The following ANO2 variants were observed in gnomAD, a reference collection of about 807,000 sequenced individuals.
The protein encoded by ANO2 is anoctamin 2, also known as anoctamin-2.
A neutral mutation model predicts 124.2 loss-of-function variants in ANO2; 101 were observed. That is an observed-to-expected ratio of 0.81 (90% CI 0.69 to 0.96). The LOEUF is 0.96. Ranked by LOEUF, ANO2 falls within the 40% of genes least tolerant of loss-of-function variation. The probability of loss-of-function intolerance (pLI) is 0.00; values close to 1 mark genes in which losing one functional copy is unlikely to be tolerated. For synonymous variants in ANO2, 486 were observed against 482.5 expected (o/e 1.01, Z -0.09); for missense variants, 1,293 against 1,274.5 (o/e 1.01, Z -0.22).
At chr12:5,776,634 G>C (rs946576150) in intron 10 of ANO2, among the ~76,000 whole-genome samples, 6 of 152,244 alleles carry the variant, frequency 3.9e-5, no homozygotes, top group African/African-American at 1.2e-4. Context: ...CTGTCACCAG[G>C]ATCCTGGTTA....
chr12:5,740,062 C>T lies in ANO2; in HGVS notation c.1352-663G>A, dbSNP rs760099774. The T allele has an allele frequency of 1.3e-4, 59 of 440,558 alleles. 1 individual carries two copies. Among genetic ancestry groups the T allele is most frequent in the South Asian group, 4.4e-4 (27 of 60,880 alleles). 27.3% of individuals were successfully genotyped at this position (440,558 alleles called of 1,614,324 possible). A position where few individuals can be genotyped will look rare whatever the true frequency, so the allele number is the denominator to read the frequency against. On this transcript the variant is annotated intron_variant, in intron 12 of 24. Transcript: ENST00000682330. Reference sequence around the variant, plus strand: ...TCCATCAGTTTGCCTGCCCCACCCACGGCCCTTTGAAGGACCAGCACGCCT... The same window carrying T: ...TCCATCAGTTTGCCTGCCCCACCCATGGCCCTTTGAAGGACCAGCACGCCT...
At chr12:5,822,032 GCAGGCACCACC>G (rs966971487) in intron 7 of ANO2, among the ~76,000 whole-genome samples, 1 of 152,130 alleles carries the variant, frequency 6.6e-6, no homozygotes, top group Non-Finnish European at 1.5e-5. Context: ...TGCACAATAC[GCAGGCACCACC>G]CAAAAGTGGA....
At chr12:5,831,073 T>G (rs1018766308) in intron 5 of ANO2, among the ~76,000 whole-genome samples, 1 of 152,208 alleles carries the variant, frequency 6.6e-6, no homozygotes, top group African/African-American at 2.4e-5. Context: ...GTTTTTAACT[T>G]CATATACTGA....
chr12:5,840,929 C>T (rs868727325), intron 4 of ANO2, among the ~76,000 whole-genome samples: 2 of 152,204 alleles, frequency 1.3e-5, no homozygotes, highest in South Asian at 2.1e-4. Context: ...CCTTTCTACT[C>T]ACCCTAAAGG....
At chr12:5,843,782 C>T (rs1954599332) in intron 4 of ANO2, among the ~76,000 whole-genome samples, 1 of 152,178 alleles carries the variant, frequency 6.6e-6, no homozygotes, top group Non-Finnish European at 1.5e-5. Flanking sequence ...CTAGGGATCA[C>T]AACCCAAACA....
chr12:5,633,047 A>G (rs982041441), intron 16 of ANO2, among the ~76,000 whole-genome samples: 4 of 152,100 alleles, frequency 2.6e-5, no homozygotes, highest in African/African-American at 9.7e-5. Context: ...GGGGACATTT[A>G]TTTCTACTCC....
intron 3 of ANO2, among the ~76,000 whole-genome samples, chr12:5,890,451 ATATTCT>A (rs1368465486): frequency 3.9e-5 from 6 of 152,236 alleles, no homozygotes; most frequent in African/African-American, 9.6e-5. Flanking sequence ...CTGAAGTTAA[ATATTCT>A]TAGGCAACTC....
chr12:5,837,816 A>G (rs1215466878), intron 4 of ANO2, among the ~76,000 whole-genome samples: 1 of 151,980 alleles, frequency 6.6e-6, no homozygotes, highest in Admixed American at 6.6e-5. Flanking sequence ...GAAAAGGAAG[A>G]GCAAACACAT....
chr12:5,785,828 A>G (rs1404930816), intron 10 of ANO2, among the ~76,000 whole-genome samples: 1 of 152,150 alleles, frequency 6.6e-6, no homozygotes, highest in African/African-American at 2.4e-5. Context: ...CTTGCCATGC[A>G]GCTGCCATCT....
At chr12:5,693,926 C>T (rs191869822) in intron 14 of ANO2, among the ~76,000 whole-genome samples, 6 of 152,334 alleles carry the variant, frequency 3.9e-5, no homozygotes, top group Non-Finnish European at 8.8e-5. Flanking sequence ...TACTGCTTCA[C>T]TCTGCTTTGT....
chr12:5,665,985 G>A (rs542452554), intron 14 of ANO2, among the ~76,000 whole-genome samples: 3 of 152,266 alleles, frequency 2.0e-5, no homozygotes, highest in African/African-American at 7.2e-5. Context: ...TCTTTACTTA[G>A]TGAACAAAAT....
At chr12:5,578,127 A>C (rs1942525643) in intron 21 of ANO2, 120 bp from the exon 22 acceptor site, 1 of 1,330,626 alleles carries the variant, frequency 7.5e-7, no homozygotes, top group South Asian at 1.4e-5. Context: ...GGGCCCCCCC[A>C]GAATGGGCTT....
intron 10 of ANO2, among the ~76,000 whole-genome samples, chr12:5,756,209 T>C (rs1416731339): frequency 6.6e-6 from 1 of 152,072 alleles, no homozygotes; most frequent in African/African-American, 2.4e-5. Flanking sequence ...ACTTTGGCTC[T>C]TTTTTATTAT....
At chr12:5,725,999 A>T (rs1010738874) in intron 14 of ANO2, among the ~76,000 whole-genome samples, 3 of 152,246 alleles carry the variant, frequency 2.0e-5, no homozygotes, top group African/African-American at 7.2e-5. Context: ...CAGCTCCAGC[A>T]CCTTGCCATC....
At chr12:5,906,625 T>C (rs967711896) in intron 3 of ANO2, among the ~76,000 whole-genome samples, 52 of 151,884 alleles carry the variant, frequency 3.4e-4, no homozygotes, top group Non-Finnish European at 2.5e-4. Context: ...TGAAACCCAG[T>C]CTCTACTAAA....
At chr12:5,839,107 TGG>T (rs1486161025) in intron 4 of ANO2, among the ~76,000 whole-genome samples, 2 of 152,192 alleles carry the variant, frequency 1.3e-5, no homozygotes, top group African/African-American at 4.8e-5. Context: ...CCCTGAGAGA[TGG>T]GAGACAGACA....
At chr12:5,922,038 C>T (rs940132405) in intron 2 of ANO2, among the ~76,000 whole-genome samples, 8 of 152,036 alleles carry the variant, frequency 5.3e-5, no homozygotes, top group African/African-American at 1.9e-4. Flanking sequence ...TCACCAGGCA[C>T]TATTCACAGC....
At chr12:5,892,351 C>T (rs1429878835) in intron 3 of ANO2, among the ~76,000 whole-genome samples, 1 of 151,964 alleles carries the variant, frequency 6.6e-6, no homozygotes, top group African/African-American at 2.4e-5. Flanking sequence ...ATGAGTACAG[C>T]ATAGAAAAAA....
At chr12:5,761,025 C>T (rs1228938215) in intron 10 of ANO2, among the ~76,000 whole-genome samples, 1 of 147,298 alleles carries the variant, frequency 6.8e-6, no homozygotes, top group African/African-American at 2.5e-5. Flanking sequence ...ACTTCATCAG[C>T]TCCAGGACGT....
Sources: allele counts gnomAD v4.1 joint callset (sites outside exome capture counted in the v4.1 genomes callset), GRCh38; gene constraint gnomAD v4.1.1; transcripts MANE v1.5; gene names NCBI Gene and HGNC (gene_info 2026-07-23, HGNC 2026-07-21).